The following XPO4 variants were observed in gnomAD, a reference collection of about 807,000 sequenced individuals.
The protein encoded by XPO4 is exportin-4.
XPO4 carries 39 observed loss-of-function variants against 143.0 expected under a neutral mutation model. The ratio of observed to expected loss-of-function variants is 0.27; its 90% CI spans 0.21 to 0.36. The LOEUF (loss-of-function observed/expected upper bound fraction) is 0.36, where lower values mean the gene tolerates loss of function less well. Ranked by LOEUF, XPO4 falls within the 10% of genes least tolerant of loss-of-function variation. The pLI is 1.00. For missense variants in XPO4, 907 were observed against 1,348.0 expected (o/e 0.67, Z 5.12); for synonymous variants, 439 against 474.0 (o/e 0.93, Z 0.96).
At chr13:20,890,047 A>G (rs1311373471) in intron 1 of XPO4, among the ~76,000 whole-genome samples, 1 of 152,244 alleles carries the variant, frequency 6.6e-6, no homozygotes, top group Admixed American at 6.5e-5. Flanking sequence ...ATAAGAAGAC[A>G]GAAACCTGTT....
chr13:20,880,817 G>A (rs983618108), intron 1 of XPO4, among the ~76,000 whole-genome samples: 3 of 152,016 alleles, frequency 2.0e-5, no homozygotes, highest in Non-Finnish European at 2.9e-5. Flanking sequence ...AGTTAGCCAG[G>A]CCTGGTGGCT....
In XPO4 at chr13:20,808,027, G is replaced by A. The variant is rs142777070; in HGVS notation, c.1640-393C>T. On this transcript the variant is annotated intron_variant, in intron 12 of 22. Transcript: ENST00000255305. ...TAAAATATGGAAACACTAATAGTATGGTGGTCAAAAAAGAAGATCCTAAGA... is the reference window on the plus strand; with the variant it reads ...TAAAATATGGAAACACTAATAGTATAGTGGTCAAAAAAGAAGATCCTAAGA... Among the ~76,000 whole-genome samples the A allele has an allele frequency of 7.9e-4, 120 of 152,174 alleles. 1 individual carries two copies. Among genetic ancestry groups the A allele is most frequent in the African/African-American group, 2.9e-3 (119 of 41,538 alleles).
rs1361404925 is a variant in XPO4 at position 20,862,701 on chromosome 13, C to T, written c.317+16G>A. ...CTCAGCAAAAGTATTTCAGCAGTCC[C>T]CCTCCATGTACTTACTTGGGCCTTT... On this transcript the variant is annotated intron_variant, in intron 3 of 22. Coordinates refer to ENST00000255305, the MANE Select transcript of XPO4 (RefSeq NM_022459.5). 1 of 1,613,576 alleles carries T rather than the reference C, an allele frequency of 6.2e-7. No homozygotes were observed. The highest frequency in any genetic ancestry group is 8.5e-7 in the Non-Finnish European group (1 of 1,179,790).
chr13:20,861,309 T>TC (rs936165697), intron 3 of XPO4, among the ~76,000 whole-genome samples: 1 of 151,102 alleles, frequency 6.6e-6, no homozygotes, highest in Non-Finnish European at 1.5e-5. Flanking sequence ...TTTTTTTTTT[T>TC]TTTTGAGATG....
chr13:20,859,134 C>A (rs1030976568), intron 3 of XPO4, among the ~76,000 whole-genome samples: 3 of 151,036 alleles, frequency 2.0e-5, no homozygotes, highest in Non-Finnish European at 4.4e-5. Flanking sequence ...GAGTTAGAGA[C>A]CAGCCTGGGC....
chr13:20,837,926 A>C (rs1045901874), intron 6 of XPO4, among the ~76,000 whole-genome samples: 1 of 152,272 alleles, frequency 6.6e-6, no homozygotes, highest in South Asian at 2.1e-4. Context: ...AGTACAATTC[A>C]AGATGAGATT....
chr13:20,841,726 A>T (rs534662912), intron 6 of XPO4, among the ~76,000 whole-genome samples: 1 of 151,418 alleles, frequency 6.6e-6, no homozygotes, highest in African/African-American at 2.4e-5. Flanking sequence ...ACCCCACCAC[A>T]CTCCTTTAAA....
intron 8 of XPO4, 104 bp from the exon 9 acceptor site, chr13:20,821,982 A>T (rs2059725553): frequency 7.3e-7 from 1 of 1,379,184 alleles, no homozygotes; most frequent in African/African-American, 1.5e-5. Flanking sequence ...TCATTTTAAA[A>T]GGTATGTCTC....
chr13:20,844,572 C>T (rs1214920851), intron 4 of XPO4, among the ~76,000 whole-genome samples: 1 of 152,136 alleles, frequency 6.6e-6, no homozygotes, highest in East Asian at 1.9e-4. Context: ...CAGAAATATG[C>T]ACACTACCTC....
chr13:20,790,424 C>T (rs564082151), intron 19 of XPO4, 38 bp downstream of exon 19: 3 of 1,470,790 alleles, frequency 2.0e-6, no homozygotes, highest in South Asian at 2.3e-5. Context: ...ACTTCAGTTA[C>T]ACATAGTGGT....
In XPO4 at chr13:20,855,780, A is replaced by T. The variant is rs1364991403; in HGVS notation, c.318-15T>A. The T allele has an allele frequency of 1.9e-6, 3 of 1,561,014 alleles. No individual in the cohort carries two copies. The highest frequency in any genetic ancestry group is 2.1e-5 in the Admixed American group (1 of 47,308). On this transcript the variant is annotated splice_polypyrimidine_tract_variant and intron_variant, in intron 3 of 22. Transcript: ENST00000255305. ...ACTTTTGAAGGCTGTAAAACATAAAAATCATTGTGAAAAATTTACCTAAAT... is the reference window on the plus strand; with the variant it reads ...ACTTTTGAAGGCTGTAAAACATAAATATCATTGTGAAAAATTTACCTAAAT...
chr13:20,787,205 T>A (rs2059217744), intron 21 of XPO4, 148 bp from the exon 22 acceptor site: 2 of 757,288 alleles, frequency 2.6e-6, no homozygotes, highest in East Asian at 2.7e-5. Flanking sequence ...TTAAAAAAAA[T>A]ACCTTACAGA....
rs1181967037 is a variant in XPO4 at position 20,859,786 on chromosome 13, A to T, written c.317+2931T>A. 705 of 304,116 alleles carry T rather than the reference A, an allele frequency of 2.3e-3. 4 individuals are homozygous for T. The highest frequency in any genetic ancestry group is 2.1e-3 in the Non-Finnish European group (475 of 223,686). The allele number at this position is 304,116 out of a possible 1,614,324, so 18.8% of individuals were successfully genotyped here. ...GCAAGGCTCTGTCTCAAAAAAAATT[A>T]AAAAAAAAAAAAGAACAAATAAAAA... On this transcript the variant is annotated intron_variant, in intron 3 of 22. Coordinates refer to ENST00000255305, the MANE Select transcript of XPO4 (RefSeq NM_022459.5).
intron 22 of XPO4, among the ~76,000 whole-genome samples, chr13:20,786,297 A>ATG (rs748624387): frequency 4.8e-5 from 4 of 83,272 alleles, no homozygotes; most frequent in Admixed American, 1.5e-4. Flanking sequence ...ATATATATAT[A>ATG]CGTGTGTGTG....
Position 20,874,745 on chromosome 13 carries a change from G to C in XPO4, c.70-6044C>G, listed in dbSNP as rs193109862. ...GCGGTGGCTCACGCCTGTAATCCTA[G>C]CACTTTGGGAGGCCGAGGCGGGTGA... On this transcript the variant is annotated intron_variant, in intron 1 of 22. Transcript: ENST00000255305. Among the ~76,000 whole-genome samples, 450 of 152,304 alleles carry C rather than the reference G, an allele frequency of 3.0e-3. 1 individual carries two copies. Among genetic ancestry groups the C allele is most frequent in the African/African-American group, 0.01 (435 of 41,572 alleles).
At chr13:20,859,132 G>A (rs1347075318) in intron 3 of XPO4, among the ~76,000 whole-genome samples, 6 of 151,226 alleles carry the variant, frequency 4.0e-5, no homozygotes, top group Non-Finnish European at 7.4e-5. Flanking sequence ...AGGAGTTAGA[G>A]ACCAGCCTGG....
At chr13:20,828,543 C>A (rs892048047) in intron 6 of XPO4, among the ~76,000 whole-genome samples, 1 of 151,986 alleles carries the variant, frequency 6.6e-6, no homozygotes, top group Non-Finnish European at 1.5e-5. Flanking sequence ...TAATATTATT[C>A]TGTCTCTGAA....
intron 2 of XPO4, among the ~76,000 whole-genome samples, chr13:20,867,835 A>G (rs1006339244): frequency 2.6e-5 from 4 of 152,188 alleles, no homozygotes; most frequent in Admixed American, 1.3e-4. Context: ...CTAGAGCCTT[A>G]CAAAAGATGG....
At position 20,814,469 on chromosome 13, in the gene XPO4, T is replaced by C. The variant is rs574647367; in HGVS notation, c.1174-4502A>G. On this transcript the variant is annotated intron_variant, in intron 9 of 22. Coordinates refer to ENST00000255305, the MANE Select transcript of XPO4 (RefSeq NM_022459.5). ...TAAGACTATGGACTTCTAAACAGCC[T>C]TCTGGTTTCTTTTGGAGATAATATA... is the stretch of plus-strand genomic sequence containing the variant. 2.0e-5 allele frequency among the ~76,000 whole-genome samples: 3 copies of C among 152,374 alleles called. No homozygotes were observed. The South Asian group carries it at 6.2e-4, about 32-fold the overall frequency.
Sources: gnomAD v4.1 joint callset for allele counts (sites outside exome capture counted in the v4.1 genomes callset) on GRCh38, gnomAD v4.1.1 for gene constraint, MANE v1.5 for transcripts, NCBI Gene and HGNC (gene_info 2026-07-23, HGNC 2026-07-21) for gene names.